DLC1: variants seen among roughly 807,000 people sequenced by gnomAD.
The protein encoded by DLC1 is DLC1 Rho GTPase activating protein.
In DLC1, 54 loss-of-function variants were observed where a neutral mutation model predicts 140.3. The observed-to-expected ratio is 0.38, with a 90% CI of 0.31 to 0.48. The LOEUF (loss-of-function observed/expected upper bound fraction) is 0.48. Ranked by LOEUF, DLC1 falls within the 20% of genes least tolerant of loss-of-function variation. DLC1 has a pLI of 0.96. For missense variants in DLC1, 2,536 were observed against 1,907.0 expected (o/e 1.33, Z -6.14); for synonymous variants, 986 against 728.1 (o/e 1.35, Z -5.70).
chr8:13,087,703 C>T (rs934023282), intron 16 of DLC1, among the ~76,000 whole-genome samples: 3 of 152,230 alleles, frequency 2.0e-5, no homozygotes, highest in Non-Finnish European at 4.4e-5. Flanking sequence ...GGAACACAGA[C>T]ACCTAAAGGA....
At chr8:13,548,597 G>A (rs1048475004) in intron 1 of DLC1, among the ~76,000 whole-genome samples, 22 of 152,000 alleles carry the variant, frequency 1.4e-4, no homozygotes, top group African/African-American at 5.1e-4. Context: ...TTAAGAGGTG[G>A]GACCTTTAAT....
chr8:13,588,595 G>C (rs368162391), intron 1 of DLC1, among the ~76,000 whole-genome samples: 3 of 152,044 alleles, frequency 2.0e-5, no homozygotes, highest in South Asian at 4.1e-4. Flanking sequence ...TAAAATTAAA[G>C]TATATTCCAT....
chr8:13,222,903 C>A (rs1053844614), intron 5 of DLC1, among the ~76,000 whole-genome samples: 1 of 151,556 alleles, frequency 6.6e-6, no homozygotes, highest in African/African-American at 2.4e-5. Context: ...ACCACTATAC[C>A]CAGCTAGTAA....
chr8:13,511,443 A>T (rs1802362331), intron 1 of DLC1, among the ~76,000 whole-genome samples: 1 of 152,058 alleles, frequency 6.6e-6, no homozygotes. Context: ...TTTATTCATT[A>T]TTATTCTGTT....
chr8:13,408,078 C>T (rs1837641412), intron 2 of DLC1, among the ~76,000 whole-genome samples: 1 of 152,110 alleles, frequency 6.6e-6, no homozygotes, highest in Non-Finnish European at 1.5e-5. Context: ...AATTTCTAGG[C>T]AAGTTAAATA....
At position 13,522,543 on chromosome 8, in the gene DLC1, T is replaced by C. The variant is rs145169656; in HGVS notation, c.-125-22347A>G. Among the ~76,000 whole-genome samples the C allele has an allele frequency of 4.5e-3, 684 of 152,128 alleles. 4 individuals carry two copies. The highest frequency in any genetic ancestry group is 3.9e-3 in the Non-Finnish European group (267 of 68,006). On this transcript the variant is annotated intron_variant, in intron 1 of 1. Coordinates refer to the DLC1 transcript ENST00000631382. ...GGGTGGCTGAGGCAGGAGAATCGCT[T>C]GAACCCAGGAGACAGAGGTTGAAGT...
chr8:13,257,797 C>T (rs1013558533), intron 5 of DLC1, among the ~76,000 whole-genome samples: 3 of 151,542 alleles, frequency 2.0e-5, no homozygotes, highest in Non-Finnish European at 4.4e-5. Context: ...CTAATCCTAA[C>T]CAGCTGTCCT....
intron 1 of DLC1, among the ~76,000 whole-genome samples, chr8:13,602,017 T>A (rs1205591105): frequency 6.6e-6 from 1 of 151,774 alleles, no homozygotes; most frequent in African/African-American, 2.4e-5. Flanking sequence ...AACAACTACA[T>A]ATTAAGTGCC....
chr8:13,483,527 G>A (rs559150865), intron 2 of DLC1, among the ~76,000 whole-genome samples: 1 of 152,284 alleles, frequency 6.6e-6, no homozygotes, highest in Admixed American at 6.5e-5. Flanking sequence ...TGAAGTATCA[G>A]GTAAGAAGAA....
chr8:13,581,061 C>T (rs1342294141), intron 1 of DLC1, among the ~76,000 whole-genome samples: 3 of 152,118 alleles, frequency 2.0e-5, no homozygotes, highest in Non-Finnish European at 4.4e-5. Flanking sequence ...AGTAGTCAAA[C>T]ATCAAAAATG....
rs143867861 is a variant in DLC1 at position 13,160,707 on chromosome 8, G to C, written c.1349-45050C>G. ...AAAGAGAGGGCTTTGATTAGGGACG[G>C]CAGGGAGCAGGTAATGATTGATAAT... On this transcript the variant is annotated intron_variant, in intron 5 of 17. Coordinates refer to ENST00000276297, the MANE Select transcript of DLC1 (RefSeq NM_182643.3). 8.2e-4 allele frequency among the ~76,000 whole-genome samples: 125 copies of C among 152,312 alleles called. 1 individual carries two copies. The highest frequency in any genetic ancestry group is 6.8e-3 in the Middle Eastern group (2 of 294).
chr8:13,393,156 C>A (rs971572087), intron 4 of DLC1, among the ~76,000 whole-genome samples: 1 of 152,050 alleles, frequency 6.6e-6, no homozygotes, highest in African/African-American at 2.4e-5. Context: ...ATCCATCCAT[C>A]CATCCATCAT....
chr8:13,415,499 A>G (rs893692556), intron 2 of DLC1, among the ~76,000 whole-genome samples: 1 of 151,196 alleles, frequency 6.6e-6, no homozygotes, highest in Non-Finnish European at 1.5e-5. Context: ...TCCTGGGTTC[A>G]TGCCATTCTC....
chr8:13,238,590 C>G (rs1191919254), intron 5 of DLC1, among the ~76,000 whole-genome samples: 1 of 151,624 alleles, frequency 6.6e-6, no homozygotes, highest in Non-Finnish European at 1.5e-5. Flanking sequence ...GGGAAGTTAT[C>G]AGTACCCTTT....
intron 4 of DLC1, among the ~76,000 whole-genome samples, chr8:13,347,914 C>A (rs943928512): frequency 6.6e-6 from 1 of 151,990 alleles, no homozygotes; most frequent in African/African-American, 2.4e-5. Flanking sequence ...ACAGTGAAAC[C>A]CCATCTCTAC....
At chr8:13,390,373 G>A (rs1836696264) in intron 4 of DLC1, among the ~76,000 whole-genome samples, 1 of 152,126 alleles carries the variant, frequency 6.6e-6, no homozygotes, top group South Asian at 2.1e-4. Context: ...ATCATTGATG[G>A]GCATTCGGGT....
At chr8:13,154,291 G>A (rs1039849023) in intron 5 of DLC1, among the ~76,000 whole-genome samples, 9 of 152,324 alleles carry the variant, frequency 5.9e-5, no homozygotes, top group Non-Finnish European at 1.2e-4. Flanking sequence ...GCGGGAGCCC[G>A]CTGCGGTGGG....
intron 5 of DLC1, among the ~76,000 whole-genome samples, chr8:13,131,489 G>A (rs115787345): frequency 0.04 from 6,046 of 152,216 alleles, 295 homozygotes; most frequent in African/African-American, 0.12. Context: ...TGAATCCTGA[G>A]AATGAATCCA....
chr8:13,085,801 G>C lies in DLC1; in HGVS notation c.*10C>G, dbSNP rs370230812. The stretch of plus-strand genomic sequence containing the variant: ...CCATGGTGGTGGAAGCGGTTGCGTT[G>C]CTTCAGTGATCACCTAGATTTGGTG... On this transcript the variant is annotated 3_prime_UTR_variant, in exon 18 of 18. Transcript: ENST00000276297. 8.4e-5 allele frequency: 136 copies of C among 1,614,078 alleles called. 1 individual carries two copies. In the East Asian group the frequency reaches 1.7e-3, roughly 20 times the overall value.
Sources: gnomAD v4.1 joint callset for allele counts (sites outside exome capture counted in the v4.1 genomes callset) on GRCh38, gnomAD v4.1.1 for gene constraint, MANE v1.5 for transcripts, NCBI Gene and HGNC (gene_info 2026-07-23, HGNC 2026-07-21) for gene names.